Variants in FXYD4 observed in about 807,000 individuals in gnomAD.
The protein encoded by FXYD4 is FXYD domain-containing ion transport regulator 4.
FXYD4 carries 14 observed loss-of-function variants against 18.3 expected under a neutral mutation model. The ratio of observed to expected loss-of-function variants is 0.77; its 90% CI spans 0.51 to 1.20. The LOEUF (loss-of-function observed/expected upper bound fraction) is 1.20. FXYD4 is among the 50% of genes most tolerant of loss of function. FXYD4 has a pLI of 0.00. For synonymous variants in FXYD4, 40 were observed against 40.5 expected, an observed-to-expected ratio of 0.99 and a Z score of 0.04; for missense variants, 99 against 106.1, an observed-to-expected ratio of 0.93 and a Z score of 0.29.
At chr10:43,375,618 C>T (rs201709795) in intron 6 of FXYD4, 45 bp downstream of exon 6, 46 of 1,602,484 alleles carry the variant, frequency 2.9e-5, no homozygotes, top group Middle Eastern at 1.7e-4. Context: ...GTGGGGCTGG[C>T]GGACAGGGTG....
rs749518837 is a variant in FXYD4, at chr10:43,375,573, AG to A, written c.172+1del. 1.2e-6 allele frequency: 2 copies of A among 1,612,950 alleles called. No homozygotes were observed. Among genetic ancestry groups the A allele is most frequent in the East Asian group, 4.5e-5 (2 of 44,872 alleles). On this transcript the variant is annotated splice_donor_variant, in intron 6 of 8. Transcript: ENST00000476166. LOFTEE classifies it high-confidence loss of function. ...CATTGCTGGGATCGCGGCAGTTCTG[AG>A]TGAGTGGCAGGACAGGTGGGGCTGG... is the stretch of plus-strand genomic sequence containing the variant.
chr10:43,375,646 G>T, intron 6 of FXYD4, 49 bp from the exon 7 acceptor site: 1 of 1,609,142 alleles, frequency 6.2e-7, no homozygotes, highest in Non-Finnish European at 8.5e-7. Flanking sequence ...AAGAGAGAGT[G>T]CTCTCATTCC....
intron 3 of FXYD4, 103 bp downstream of exon 3, chr10:43,373,886 A>G (rs1008908178): frequency 3.7e-6 from 3 of 820,958 alleles, no homozygotes; most frequent in African/African-American, 3.3e-5. Flanking sequence ...TTCAATCAGC[A>G]TGCTTTATTT....
In FXYD4 at chr10:43,373,867, A is replaced by T; in HGVS notation, c.37+84A>T. On this transcript the variant is annotated intron_variant, in intron 3 of 8. Coordinates refer to ENST00000476166, the MANE Select transcript of FXYD4 (RefSeq NM_173160.3). The stretch of plus-strand genomic sequence containing the variant: ...AAAGCCAGACAACATCTCCTTTGGG[A>T]GTCTGGTGTTCAATCAGCATGCTTT... 5 of 893,990 alleles carry T rather than the reference A, an allele frequency of 5.6e-6. No homozygotes were observed. In the East Asian group the frequency reaches 9.6e-5, roughly 17 times the overall value. The allele number at this position is 893,990 out of a possible 1,614,324, so 55.4% of individuals were successfully genotyped here.
chr10:43,375,681 T>C lies in FXYD4; in HGVS notation c.173-14T>C. The C allele has an allele frequency of 6.2e-7, 1 of 1,607,670 alleles. No individual in the cohort carries two copies. The highest frequency in any genetic ancestry group is 1.1e-5 in the South Asian group (1 of 90,932). Reference sequence around the variant, plus strand: ...CAGCACTGACCCTGGCGCTGACCCCTCTCTCTCTCCCAGGTGGCAAATGCA... The same window carrying C: ...CAGCACTGACCCTGGCGCTGACCCCCCTCTCTCTCCCAGGTGGCAAATGCA... On this transcript the variant is annotated splice_polypyrimidine_tract_variant and intron_variant, in intron 6 of 8. Transcript: ENST00000476166.
chr10:43,372,783 A>G lies in FXYD4; in HGVS notation c.-233+11A>G, dbSNP rs1837823331. On this transcript the variant is annotated intron_variant, in intron 2 of 8. Transcript: ENST00000476166. Reference sequence around the variant, plus strand: ...AGAGTCACACAGTTGGTAAGTTGCTAAGAAGGGACCCAGCCCAGACAGCTG... The same window carrying G: ...AGAGTCACACAGTTGGTAAGTTGCTGAGAAGGGACCCAGCCCAGACAGCTG... 6.6e-6 allele frequency: 1 copy of G among 152,240 alleles called. No homozygotes were observed. The highest frequency in any genetic ancestry group is 2.1e-4 in the South Asian group (1 of 4,828). 9.4% of individuals were successfully genotyped at this position (152,240 alleles called of 1,614,324 possible).
chr10:43,374,729 T>C (rs988772520), intron 5 of FXYD4, 90 bp downstream of exon 5: 54 of 1,034,468 alleles, frequency 5.2e-5, no homozygotes, highest in Non-Finnish European at 7.4e-5. Flanking sequence ...GTGGACCTAG[T>C]GTAGACAAAG....
chr10:43,374,083 G>GTGGGAGGATCACTTGAGCC (rs376605832), intron 3 of FXYD4, among the ~76,000 whole-genome samples: 3 of 152,216 alleles, frequency 2.0e-5, no homozygotes, highest in African/African-American at 4.8e-5. Flanking sequence ...GGAGGCCAAG[G>GTGGGAGGATCACTTGAGCC]TGGGAGGATC....
chr10:43,374,672 C>T, intron 5 of FXYD4, 33 bp downstream of exon 5: 1 of 1,565,076 alleles, frequency 6.4e-7, no homozygotes, highest in Non-Finnish European at 8.8e-7. Flanking sequence ...CCACCCTACC[C>T]TTGCCTATCC....
At chr10:43,372,364 A>G (rs1294212835) in intron 1 of FXYD4, among the ~76,000 whole-genome samples, 1 of 152,104 alleles carries the variant, frequency 6.6e-6, no homozygotes, top group African/African-American at 2.4e-5. Context: ...GGCTCACTGC[A>G]ACCTCCACCT....
rs371576645 is a variant in FXYD4, at chr10:43,374,480, C to T, written c.48C>T (p.Ala16=). The T allele has an allele frequency of 1.7e-5, 27 of 1,614,044 alleles. No homozygotes were observed. The African/African-American group carries it at 3.3e-4, about 20-fold the overall frequency. ...LALLLLAGLT[A]LEANDPFANK... is the part of the protein sequence containing the mutation. ...GCTCCTCCCACACAGGCCTGACTGC[C>T]TTGGAAGCCAATGACCCATTTGGTG... Residue 16 remains alanine (A), a synonymous_variant, in exon 4 of 9, where the codon GCC becomes GCT. Coordinates refer to ENST00000476166, the MANE Select transcript of FXYD4 (RefSeq NM_173160.3).
intron 1 of FXYD4, among the ~76,000 whole-genome samples, chr10:43,372,037 C>T (rs115860535): frequency 0.017 from 1,169 of 67,680 alleles, 17 homozygotes; most frequent in African/African-American, 0.052. Context: ...AGAGCAAGAC[C>T]CTGTCTCAAA....
intron 6 of FXYD4, 34 bp downstream of exon 6, chr10:43,375,607 G>A (rs1424491840): frequency 6.2e-7 from 1 of 1,609,240 alleles, no homozygotes; most frequent in South Asian, 1.1e-5. Flanking sequence ...TGGAGGACAG[G>A]GTGGGGCTGG....
intron 6 of FXYD4, 26 bp downstream of exon 6, chr10:43,375,599 G>A (rs1270846947): frequency 1.2e-6 from 2 of 1,610,960 alleles, no homozygotes. Flanking sequence ...GGTGGGGCTG[G>A]AGGACAGGGT....
rs368010245 is a variant in FXYD4 at position 43,374,478 on chromosome 10, G to A, written c.46G>A (p.Ala16Thr). ...CTGCTCCTCCCACACAGGCCTGACT[G>A]CCTTGGAAGCCAATGACCCATTTGG... ...LALLLLAGLT[A>T]LEANDPFANK... is the part of the protein sequence containing the mutation. The change falls in exon 4 of 9, where the codon GCC becomes ACC. Residue 16 changes from alanine to threonine, a missense_variant. Ala to Thr is a moderately conservative substitution (Grantham distance 58). Transcript: ENST00000476166. 5 of 1,614,076 alleles carry A rather than the reference G, an allele frequency of 3.1e-6. No homozygotes were observed. Among genetic ancestry groups the A allele is most frequent in the Non-Finnish European group, 4.2e-6 (5 of 1,179,986 alleles).
intron 7 of FXYD4, 85 bp downstream of exon 7, chr10:43,375,819 G>T: frequency 7.1e-7 from 1 of 1,406,758 alleles, no homozygotes; most frequent in Non-Finnish European, 1.0e-6. Context: ...CAGCATCCTG[G>T]CCACTCGCTG....
chr10:43,376,127 C>T lies in FXYD4; in HGVS notation c.251-20C>T, dbSNP rs188319732. On this transcript the variant is annotated intron_variant, in intron 8 of 8. Transcript: ENST00000476166. ...CTGTGTAAGGACTGTGTCTGATGGC[C>T]TGCCCGCCACTCTCCGCAGGCTCTG... The T allele has an allele frequency of 5.0e-5, 80 of 1,613,800 alleles. No individual in the cohort carries two copies. In the African/African-American group the frequency reaches 1.0e-3, roughly 20 times the overall value.
chr10:43,375,889 C>G lies in FXYD4; in HGVS notation c.213-143C>G, dbSNP rs530011443. 183 of 1,214,090 alleles carry G rather than the reference C, an allele frequency of 1.5e-4. 1 individual carries two copies. The South Asian group carries it at 2.1e-3, about 14-fold the overall frequency. 75.2% of individuals were successfully genotyped at this position (1,214,090 alleles called of 1,614,324 possible). A position where few individuals can be genotyped will look rare whatever the true frequency, so the allele number is the denominator to read the frequency against. ...CCCTGAAGGGCCCCAGTCAGGAAAG[C>G]TCTGACCTCGGTATTGTGGGAAGTG... On this transcript the variant is annotated intron_variant, in intron 7 of 8. Coordinates refer to ENST00000476166, the MANE Select transcript of FXYD4 (RefSeq NM_173160.3).
At chr10:43,375,945 C>T in intron 7 of FXYD4, 87 bp from the exon 8 acceptor site, 1 of 1,450,858 alleles carries the variant, frequency 6.9e-7, no homozygotes, top group Non-Finnish European at 9.7e-7. Context: ...ACTTGCACTC[C>T]TGGGGCCGGG....
Sources: allele counts gnomAD v4.1 joint callset (sites outside exome capture counted in the v4.1 genomes callset), GRCh38; gene constraint gnomAD v4.1.1; transcripts MANE v1.5; gene names NCBI Gene and HGNC (gene_info 2026-07-23, HGNC 2026-07-21).